Variants in AFF2 observed in about 807,000 individuals in gnomAD.
The protein encoded by AFF2 is AF4/FMR2 family member 2.
In AFF2, 14 loss-of-function variants were observed where a neutral mutation model predicts 76.9. That is an observed-to-expected ratio of 0.18 (90% CI 0.12 to 0.28). The LOEUF is 0.28. AFF2 is among the 10% of genes least tolerant of loss of function. AFF2 has a pLI of 1.00. For synonymous variants in AFF2, 398 were observed against 366.7 expected (o/e 1.09, Z -0.98); for missense variants, 868 against 1,001.1 (o/e 0.87, Z 1.79).
rs940959225 is a variant in AFF2 at position 148,579,944 on chromosome X, G to A, written c.48-72055G>A. Among the ~76,000 whole-genome samples, 15 of 111,440 alleles carry A rather than the reference G, an allele frequency of 1.3e-4. No individual in the cohort carries two copies. In the South Asian group the frequency reaches 4.2e-3, roughly 31 times the overall value. ...GAGTGAAAAAGGGAGGTAGGTCAGC[G>A]TCTCTTTTGCAGTCCCATTAAACTA... On this transcript the variant is annotated intron_variant, in intron 1 of 20. Transcript: ENST00000370460.
At chrX:148,874,770 G>C (rs994394337) in intron 7 of AFF2, among the ~76,000 whole-genome samples, 1 of 111,538 alleles carries the variant, frequency 9.0e-6, no homozygotes, top group Non-Finnish European at 1.9e-5. Context: ...TTATGAGTCA[G>C]TGGCAGTGCT....
chrX:148,581,417 C>T (rs1259313811), intron 1 of AFF2, among the ~76,000 whole-genome samples: 1 of 8,569 alleles, frequency 1.2e-4, no homozygotes, highest in African/African-American at 5.9e-4. Context: ...CACACATATA[C>T]GTATACGTCT....
intron 3 of AFF2, among the ~76,000 whole-genome samples, chrX:148,792,352 C>T (rs1340646435): frequency 8.9e-6 from 1 of 112,655 alleles, no homozygotes; most frequent in African/African-American, 3.2e-5. Context: ...ATTCAGGAGG[C>T]TGAGGCAGGA....
At chrX:148,626,394 G>A (rs1157783815) in intron 1 of AFF2, among the ~76,000 whole-genome samples, 1 of 110,363 alleles carries the variant, frequency 9.1e-6, no homozygotes, top group Non-Finnish European at 1.9e-5. Context: ...TGTCCAAGGT[G>A]CTGTGTTCTA....
At chrX:148,623,141 C>A (rs2053886590) in intron 1 of AFF2, among the ~76,000 whole-genome samples, 1 of 111,138 alleles carries the variant, frequency 9.0e-6, no homozygotes, top group Non-Finnish European at 1.9e-5. Context: ...TAAAGAAATC[C>A]ACATGCTGTA....
intron 9 of AFF2, among the ~76,000 whole-genome samples, chrX:148,904,825 G>C (rs2071390903): frequency 8.9e-6 from 1 of 112,244 alleles, no homozygotes; most frequent in Non-Finnish European, 1.9e-5. Context: ...AAGCTACACA[G>C]ACCTCCTTTA....
intron 3 of AFF2, among the ~76,000 whole-genome samples, chrX:148,706,557 C>G (rs1343529551): frequency 8.9e-6 from 1 of 112,497 alleles, no homozygotes; most frequent in Non-Finnish European, 1.9e-5. Flanking sequence ...ATTTAAGTAC[C>G]TGTGTGATTC....
intron 9 of AFF2, among the ~76,000 whole-genome samples, chrX:148,933,334 A>C (rs1310660818): frequency 8.9e-6 from 1 of 112,094 alleles, no homozygotes; most frequent in East Asian, 2.8e-4. Context: ...AAGAGCTGGT[A>C]GGCCATTAAA....
At chrX:148,879,950 T>C (rs2071078760) in intron 7 of AFF2, among the ~76,000 whole-genome samples, 1 of 111,912 alleles carries the variant, frequency 8.9e-6, no homozygotes, top group Non-Finnish European at 1.9e-5. Context: ...TCTGAACCCC[T>C]TGGAAGGCCA....
intron 7 of AFF2, among the ~76,000 whole-genome samples, chrX:148,866,720 C>G (rs1022382237): frequency 8.9e-6 from 1 of 112,605 alleles, no homozygotes; most frequent in African/African-American, 3.2e-5. Flanking sequence ...GCAAATGCTT[C>G]TCTCTCTATA....
intron 11 of AFF2, among the ~76,000 whole-genome samples, chrX:148,957,909 G>A (rs2072060802): frequency 8.9e-6 from 1 of 112,564 alleles, no homozygotes; most frequent in Non-Finnish European, 1.9e-5. Context: ...TGCTCATTGT[G>A]TAAGCAACCT....
chrX:148,994,351 G>A lies in AFF2; in HGVS notation c.*3019G>A, dbSNP rs1335758064. The A allele has an allele frequency of 3.6e-5, 4 of 112,182 alleles. No individual in the cohort carries two copies. The highest frequency in any genetic ancestry group is 7.5e-5 in the Non-Finnish European group (4 of 53,200). The allele number at this position is 112,182 out of a possible 1,213,427, so 9.2% of individuals were successfully genotyped here. A position where few individuals can be genotyped will look rare whatever the true frequency, so the allele number is the denominator to read the frequency against. On this transcript the variant is annotated 3_prime_UTR_variant, in exon 21 of 21. Transcript: ENST00000370460. ...TATAACTGTCTGAGTTTGGTAGGTA[G>A]GATTACTTTGAAAAGGGTTTACTAG...
At chrX:148,797,535 C>T (rs1173504814) in intron 3 of AFF2, among the ~76,000 whole-genome samples, 2 of 112,274 alleles carry the variant, frequency 1.8e-5, no homozygotes, top group Non-Finnish European at 3.8e-5. Context: ...TTTCAGGAAA[C>T]TACTTTCTGT....
At chrX:148,779,025 A>T (rs1357834946) in intron 3 of AFF2, among the ~76,000 whole-genome samples, 1 of 111,155 alleles carries the variant, frequency 9.0e-6, no homozygotes, top group Non-Finnish European at 1.9e-5. Flanking sequence ...TGTGTCCCAG[A>T]GATTCTGGTA....
chrX:148,506,452 T>C (rs1217238091), intron 1 of AFF2, among the ~76,000 whole-genome samples: 1 of 111,720 alleles, frequency 9.0e-6, no homozygotes, highest in Non-Finnish European at 1.9e-5. Flanking sequence ...GGAATTACCA[T>C]GTAATTTGAC....
chrX:148,920,884 G>A (rs1280998661), intron 9 of AFF2, among the ~76,000 whole-genome samples: 8 of 110,629 alleles, frequency 7.2e-5, no homozygotes, highest in African/African-American at 2.3e-4. Context: ...TGATTTCGAC[G>A]CATCAGTGGG....
intron 3 of AFF2, among the ~76,000 whole-genome samples, chrX:148,722,563 C>T (rs1188022716): frequency 2.7e-5 from 3 of 110,834 alleles, no homozygotes; most frequent in African/African-American, 9.9e-5. Flanking sequence ...CTGCTTGGAA[C>T]ATGGCAATGA....
At chrX:148,544,822 T>A (rs1295180316) in intron 1 of AFF2, among the ~76,000 whole-genome samples, 3 of 111,647 alleles carry the variant, frequency 2.7e-5, no homozygotes, top group Non-Finnish European at 5.6e-5. Context: ...CAGTCATGAG[T>A]AAATTTGAGA....
intron 3 of AFF2, chrX:148,719,301 CT>C (rs2055065026): frequency 5.0e-6 from 4 of 804,481 alleles, no homozygotes; most frequent in Non-Finnish European, 7.2e-6. Flanking sequence ...TTTTCTCTCT[CT>C]TTACAAATGA....
Sources: gnomAD v4.1 joint callset for allele counts (sites outside exome capture counted in the v4.1 genomes callset) on GRCh38, gnomAD v4.1.1 for gene constraint, MANE v1.5 for transcripts, NCBI Gene and HGNC (gene_info 2026-07-23, HGNC 2026-07-21) for gene names.